TENM4: variants seen among roughly 807,000 people sequenced by gnomAD.
TENM4 encodes teneurin-4.
Under a neutral mutation model 243.3 loss-of-function variants are expected in TENM4, and 82 were observed. That is an observed-to-expected ratio of 0.34 (90% confidence interval 0.28 to 0.40). The LOEUF is 0.40. TENM4 is among the 10% of genes least tolerant of loss of function. The pLI is 1.00. For missense variants in TENM4, 3,138 were observed against 3,673.3 expected (o/e 0.85, Z 3.77); for synonymous variants, 1,412 against 1,456.3 (o/e 0.97, Z 0.69).
At chr11:79,065,057 C>T (rs181421685) in intron 5 of TENM4, 50 bp from the exon 6 acceptor site, 9 of 1,437,012 alleles carry the variant, frequency 6.3e-6, no homozygotes, top group South Asian at 3.0e-5. Flanking sequence ...ATGAGGTCTG[C>T]GTCTGCCTCT....
chr11:78,936,226 T>C (rs193155539), intron 6 of TENM4, among the ~76,000 whole-genome samples: 8 of 152,326 alleles, frequency 5.3e-5, no homozygotes, highest in African/African-American at 1.9e-4. Context: ...CTAAAGAACA[T>C]GGACTTGGGA....
intron 16 of TENM4, among the ~76,000 whole-genome samples, chr11:78,780,496 T>A (rs866522553): frequency 3.2e-4 from 48 of 152,284 alleles, no homozygotes; most frequent in African/African-American, 1.2e-3. Context: ...GCCTAGATTT[T>A]TTTTTCCCAG....
chr11:79,159,713 C>T (rs1387813780), intron 3 of TENM4, among the ~76,000 whole-genome samples: 4 of 152,194 alleles, frequency 2.6e-5, no homozygotes, highest in Non-Finnish European at 5.9e-5. Context: ...CCGATCGCAT[C>T]TGTCCAGAAA....
intron 6 of TENM4, among the ~76,000 whole-genome samples, chr11:78,950,273 G>A (rs780917577): frequency 6.6e-6 from 1 of 152,226 alleles, no homozygotes; most frequent in Non-Finnish European, 1.5e-5. Context: ...GCAGAGAGCC[G>A]GAGTGCAACT....
At chr11:79,317,357 T>C (rs1174107765) in intron 1 of TENM4, among the ~76,000 whole-genome samples, 1 of 152,164 alleles carries the variant, frequency 6.6e-6, no homozygotes, top group Non-Finnish European at 1.5e-5. Flanking sequence ...CCAAGTGATA[T>C]ATCTGTAATC....
intron 4 of TENM4, among the ~76,000 whole-genome samples, chr11:79,124,387 G>A (rs915115124): frequency 6.6e-6 from 1 of 152,060 alleles, no homozygotes; most frequent in African/African-American, 2.4e-5. Flanking sequence ...ATATAAGCAG[G>A]CAGAAAAATG....
chr11:79,278,149 G>C (rs961900565), intron 2 of TENM4, among the ~76,000 whole-genome samples: 3 of 152,206 alleles, frequency 2.0e-5, no homozygotes, highest in African/African-American at 7.2e-5. Flanking sequence ...GAAACAGTAG[G>C]TATTGATTTC....
intron 20 of TENM4, among the ~76,000 whole-genome samples, chr11:78,734,602 T>C (rs1855744532): frequency 6.6e-6 from 1 of 152,116 alleles, no homozygotes; most frequent in Non-Finnish European, 1.5e-5. Flanking sequence ...CTGGCTGTAG[T>C]AGGCATTTTC....
At chr11:78,662,939 G>C (rs568553945) in intron 32 of TENM4, among the ~76,000 whole-genome samples, 3 of 152,360 alleles carry the variant, frequency 2.0e-5, no homozygotes, top group South Asian at 4.1e-4. Flanking sequence ...GATGAAGTGG[G>C]CCCTTCAGGC....
chr11:78,853,894 G>A (rs1858607880), intron 12 of TENM4, among the ~76,000 whole-genome samples: 1 of 152,224 alleles, frequency 6.6e-6, no homozygotes, highest in Admixed American at 6.5e-5. Flanking sequence ...CAGGAGAGAA[G>A]CAGCGGGCAA....
chr11:78,667,442 TCTGTATTATATGTG>T (rs1197422681), intron 32 of TENM4, among the ~76,000 whole-genome samples: 1 of 152,126 alleles, frequency 6.6e-6, no homozygotes, highest in Admixed American at 6.5e-5. Context: ...CCTCTACACT[TCTGTATTATATGTG>T]CTGCCTTCCC....
intron 15 of TENM4, among the ~76,000 whole-genome samples, chr11:78,797,605 T>C (rs536210873): frequency 5.3e-5 from 8 of 152,376 alleles, no homozygotes; most frequent in Middle Eastern, 3.4e-3. Context: ...AGCAGCATGC[T>C]TGTCTGGGCC....
chr11:79,187,859 CTGCAGGCACCT>C (rs1863407017), intron 3 of TENM4, among the ~76,000 whole-genome samples: 2 of 152,184 alleles, frequency 1.3e-5, no homozygotes, highest in Admixed American at 1.3e-4. Flanking sequence ...GAAACCAACC[CTGCAGGCACCT>C]TGATTTTGGA....
intron 15 of TENM4, among the ~76,000 whole-genome samples, chr11:78,804,310 C>T (rs762546377): frequency 2.0e-5 from 3 of 152,198 alleles, no homozygotes; most frequent in Non-Finnish European, 4.4e-5. Flanking sequence ...AGAATGCACA[C>T]TCTACGAAGG....
chr11:78,712,809 A>G, intron 25 of TENM4, 95 bp from the exon 26 acceptor site: 1 of 1,180,160 alleles, frequency 8.5e-7, no homozygotes, highest in Non-Finnish European at 1.2e-6. Flanking sequence ...TTAGAATCCA[A>G]GCAAAAATAT....
intron 19 of TENM4, among the ~76,000 whole-genome samples, chr11:78,740,867 C>G (rs143772052): frequency 6.6e-6 from 1 of 152,198 alleles, no homozygotes; most frequent in Non-Finnish European, 1.5e-5. Context: ...AACATTGAAT[C>G]GGCACCATTT....
chr11:78,993,400 G>A lies in TENM4; in HGVS notation c.493+71338C>T, dbSNP rs148511793. On this transcript the variant is annotated intron_variant, in intron 6 of 33. Transcript: ENST00000278550. ...TTCCTGTGACTTGTTGAGTTTCCTGGATTTGTGGGCTTAATTTACATCAAA... is the reference window on the plus strand; with the variant it reads ...TTCCTGTGACTTGTTGAGTTTCCTGAATTTGTGGGCTTAATTTACATCAAA... Among the ~76,000 whole-genome samples the A allele has an allele frequency of 6.6e-3, 1,000 of 152,128 alleles. 10 individuals carry two copies. The highest frequency in any genetic ancestry group is 0.011 in the African/African-American group (436 of 41,518).
chr11:79,216,803 T>C (rs1864059405), intron 2 of TENM4, among the ~76,000 whole-genome samples: 1 of 152,204 alleles, frequency 6.6e-6, no homozygotes, highest in East Asian at 1.9e-4. Context: ...TAAATTTCTT[T>C]TCTTTATAAA....
chr11:78,847,140 C>G (rs1327396765), intron 12 of TENM4, among the ~76,000 whole-genome samples: 1 of 152,204 alleles, frequency 6.6e-6, no homozygotes, highest in Admixed American at 6.5e-5. Context: ...CAGCCCATCT[C>G]CTAGACAAAA....
Sources: allele counts gnomAD v4.1 joint callset (sites outside exome capture counted in the v4.1 genomes callset), GRCh38; gene constraint gnomAD v4.1.1; transcripts MANE v1.5; gene names NCBI Gene and HGNC (gene_info 2026-07-23, HGNC 2026-07-21).